The following METTL24 variants were observed in gnomAD, a reference collection of about 807,000 sequenced individuals.
The protein encoded by METTL24 is probable methyltransferase-like protein 24.
A neutral mutation model predicts 32.7 loss-of-function variants in METTL24; 29 were observed. That is an observed-to-expected ratio of 0.89 (90% CI 0.66 to 1.21). METTL24 has a LOEUF of 1.21. Ranked by LOEUF, METTL24 falls within the 50% of genes most tolerant of loss-of-function variation. The probability of loss-of-function intolerance (pLI) is 0.00; values close to 1 mark genes in which losing one functional copy is unlikely to be tolerated. For synonymous variants in METTL24, 163 were observed against 179.5 expected, an observed-to-expected ratio of 0.91 and a Z score of 0.73; for missense variants, 439 against 468.1, an observed-to-expected ratio of 0.94 and a Z score of 0.57.
chr6:110,296,699 G>A (rs576652745), intron 4 of METTL24, among the ~76,000 whole-genome samples: 1 of 152,288 alleles, frequency 6.6e-6, no homozygotes, highest in African/African-American at 2.4e-5. Context: ...ATATTTTAAA[G>A]TTCTGAAATA....
intron 4 of METTL24, among the ~76,000 whole-genome samples, chr6:110,283,074 G>A (rs2114718812): frequency 6.6e-6 from 1 of 152,224 alleles, no homozygotes; most frequent in Middle Eastern, 3.4e-3. Flanking sequence ...ACTGATTTAA[G>A]CCAAATGAGA....
intron 4 of METTL24, among the ~76,000 whole-genome samples, chr6:110,293,008 A>G (rs1771347223): frequency 6.6e-6 from 1 of 151,988 alleles, no homozygotes; most frequent in South Asian, 2.1e-4. Context: ...GTATAAGAAG[A>G]TTTATTATCC....
intron 1 of METTL24, among the ~76,000 whole-genome samples, chr6:110,336,112 G>T (rs1310169559): frequency 6.6e-6 from 1 of 152,178 alleles, no homozygotes; most frequent in Non-Finnish European, 1.5e-5. Context: ...GTTCACTAGT[G>T]GTTCTGAAAA....
chr6:110,331,920 C>G (rs1008508344), intron 1 of METTL24, among the ~76,000 whole-genome samples: 1 of 152,160 alleles, frequency 6.6e-6, no homozygotes, highest in Non-Finnish European at 1.5e-5. Flanking sequence ...AGAGCCAGCC[C>G]GTCCCATAGG....
rs142013007 is a variant in METTL24 at position 110,245,204 on chromosome 6, G to C, written c.*742C>G. On this transcript the variant is annotated 3_prime_UTR_variant, in exon 5 of 5. Coordinates refer to ENST00000338882, the MANE Select transcript of METTL24 (RefSeq NM_001123364.3). Reference sequence around the variant, plus strand: ...AGTGTAAGTGGACCTCATTCAACCAGTTGAAGGCCTGAATAGAACCTAAGG... The same window carrying C: ...AGTGTAAGTGGACCTCATTCAACCACTTGAAGGCCTGAATAGAACCTAAGG... Among the ~76,000 whole-genome samples the C allele has an allele frequency of 2.0e-3, 307 of 152,332 alleles. 2 individuals carry two copies. Among genetic ancestry groups the C allele is most frequent in the African/African-American group, 6.9e-3 (285 of 41,580 alleles).
intron 4 of METTL24, among the ~76,000 whole-genome samples, chr6:110,277,293 G>A (rs1398841461): frequency 1.3e-5 from 2 of 152,194 alleles, no homozygotes; most frequent in Non-Finnish European, 2.9e-5. Flanking sequence ...GAGATCAAAG[G>A]AGGGAGATGC....
At chr6:110,279,312 A>G (rs1771099370) in intron 4 of METTL24, among the ~76,000 whole-genome samples, 1 of 152,222 alleles carries the variant, frequency 6.6e-6, no homozygotes, top group African/African-American at 2.4e-5. Context: ...TCAAAGAGAT[A>G]CCCTAAGTAC....
Position 110,358,197 on chromosome 6 carries a change from C to A in METTL24, c.76G>T (p.Gly26Cys), listed in dbSNP as rs952371913. 1.4e-6 allele frequency: 2 copies of A among 1,458,450 alleles called. No individual in the cohort carries two copies. Among genetic ancestry groups the A allele is most frequent in the African/African-American group, 3.0e-5 (2 of 67,384 alleles). The allele number at this position is 1,458,450 out of a possible 1,614,324, so 90.3% of individuals were successfully genotyped here. A position where few individuals can be genotyped will look rare whatever the true frequency, so the allele number is the denominator to read the frequency against. The stretch of plus-strand genomic sequence containing the variant: ...CGCAGCTCTGCGCAGAGCCGCAGGC[C>A]GAACAACAGCACAGCCCCGAGTAGA... The part of the protein sequence containing the change: ...RCLLGAVLLF[G>C]LRLCAELRRA... The change falls in exon 1 of 5, where the codon GGC becomes TGC. Residue 26 changes from glycine (G) to cysteine (C), a missense_variant. Physicochemically the swap from Gly to Cys is radical, Grantham distance 159 (BLOSUM62 -3). Transcript: ENST00000338882.
chr6:110,278,719 C>A (rs1170452735), intron 4 of METTL24, among the ~76,000 whole-genome samples: 1 of 152,070 alleles, frequency 6.6e-6, no homozygotes, highest in African/African-American at 2.4e-5. Flanking sequence ...TATAGGAAAT[C>A]TTACTTTAAA....
chr6:110,276,515 G>A (rs1387417305), intron 4 of METTL24, among the ~76,000 whole-genome samples: 1 of 152,170 alleles, frequency 6.6e-6, no homozygotes, highest in Non-Finnish European at 1.5e-5. Context: ...CAGTCTCCCA[G>A]AGAGGAATAT....
At chr6:110,300,183 C>A (rs1271427417) in intron 3 of METTL24, among the ~76,000 whole-genome samples, 1 of 152,116 alleles carries the variant, frequency 6.6e-6, no homozygotes, top group Non-Finnish European at 1.5e-5. Context: ...CAGGAGCCTA[C>A]TGATATGAAG....
intron 4 of METTL24, among the ~76,000 whole-genome samples, chr6:110,278,124 C>T (rs1771078092): frequency 6.6e-6 from 1 of 152,188 alleles, no homozygotes; most frequent in Admixed American, 6.6e-5. Flanking sequence ...CCTATCCTTC[C>T]TATGCTCTGT....
chr6:110,295,386 A>T (rs773503184), intron 4 of METTL24, among the ~76,000 whole-genome samples: 5 of 152,128 alleles, frequency 3.3e-5, no homozygotes, highest in Non-Finnish European at 7.4e-5. Flanking sequence ...TAGTCCTGTG[A>T]GGGTTCAAGT....
chr6:110,267,048 A>T (rs74679831), intron 4 of METTL24, among the ~76,000 whole-genome samples: 4,764 of 150,780 alleles, frequency 0.032, 133 homozygotes, highest in East Asian at 0.15. Flanking sequence ...CTTTTTTTTT[A>T]AAAAAAAATA....
chr6:110,324,054 G>T (rs1002962004), intron 1 of METTL24, among the ~76,000 whole-genome samples: 3 of 152,146 alleles, frequency 2.0e-5, no homozygotes, highest in African/African-American at 7.2e-5. Context: ...CCTAGATGGG[G>T]TGGCCTAGGT....
At chr6:110,313,792 C>T (rs773809397) in intron 3 of METTL24, among the ~76,000 whole-genome samples, 2 of 152,172 alleles carry the variant, frequency 1.3e-5, no homozygotes, top group East Asian at 1.9e-4. Flanking sequence ...TTCTAATCCA[C>T]GGCCTCCACA....
Position 110,358,114 on chromosome 6 carries a change from T to C in METTL24, c.159A>G (p.Pro53=). Residue 53 remains proline, a synonymous_variant, in exon 1 of 5, where the codon CCA becomes CCG. Coordinates refer to ENST00000338882, the MANE Select transcript of METTL24 (RefSeq NM_001123364.3). ...RSAPPGPAWR[P]PGPHLPPAPG... ...GCGCGGGCGGCAGGTGCGGCCCAGG[T>C]GGCCGCCAGGCCGGGCCCGGCGGGG... is the stretch of plus-strand genomic sequence containing the variant. 1.9e-6 allele frequency: 2 copies of C among 1,042,862 alleles called. No individual in the cohort carries two copies. Among genetic ancestry groups the C allele is most frequent in the South Asian group, 4.4e-5 (1 of 22,662 alleles). The allele number at this position is 1,042,862 out of a possible 1,614,324, so 64.6% of individuals were successfully genotyped here. A position where few individuals can be genotyped will look rare whatever the true frequency, so the allele number is the denominator to read the frequency against.
At chr6:110,356,249 G>T (rs1340107435) in intron 1 of METTL24, among the ~76,000 whole-genome samples, 1 of 152,022 alleles carries the variant, frequency 6.6e-6, no homozygotes, top group African/African-American at 2.4e-5. Flanking sequence ...TTCGATACCA[G>T]CCTGGCCAAC....
intron 4 of METTL24, among the ~76,000 whole-genome samples, chr6:110,266,324 A>T (rs1305023099): frequency 6.6e-6 from 1 of 152,154 alleles, no homozygotes; most frequent in African/African-American, 2.4e-5. Flanking sequence ...AGTGATATCC[A>T]CATTAGAAAC....
Sources: allele counts gnomAD v4.1 joint callset (sites outside exome capture counted in the v4.1 genomes callset), GRCh38; gene constraint gnomAD v4.1.1; transcripts MANE v1.5; gene names NCBI Gene and HGNC (gene_info 2026-07-23, HGNC 2026-07-21).